The following TMEM45B variants were observed in gnomAD, a reference collection of about 807,000 sequenced individuals.
The protein encoded by TMEM45B is transmembrane protein 45B.
In TMEM45B, 29 loss-of-function variants were observed where a neutral mutation model predicts 27.3. The observed-to-expected ratio is 1.06, with a 90% CI of 0.79 to 1.45. TMEM45B has a LOEUF of 1.45. Ranked by LOEUF, TMEM45B falls within the 40% of genes most tolerant of loss-of-function variation. The pLI, the probability that TMEM45B is intolerant of heterozygous loss-of-function variation, is 0.00. For synonymous variants in TMEM45B, 143 were observed against 134.7 expected (o/e 1.06, Z -0.43); for missense variants, 348 against 343.9 (o/e 1.01, Z -0.09).
At chr11:129,817,655 A>G (rs1947368710) in intron 1 of TMEM45B, among the ~76,000 whole-genome samples, 1 of 152,138 alleles carries the variant, frequency 6.6e-6, no homozygotes, top group Non-Finnish European at 1.5e-5. Context: ...ACCTGTTCCC[A>G]TTTATTCCAT....
intron 1 of TMEM45B, among the ~76,000 whole-genome samples, chr11:129,837,996 G>C (rs927245760): frequency 6.6e-6 from 1 of 151,812 alleles, no homozygotes; most frequent in African/African-American, 2.4e-5. Context: ...TGGCCAGCCT[G>C]GTCTCAAATT....
At chr11:129,849,351 T>A (rs565396459) in intron 1 of TMEM45B, among the ~76,000 whole-genome samples, 6 of 152,324 alleles carry the variant, frequency 3.9e-5, no homozygotes, top group Admixed American at 1.3e-4. Context: ...AGGTCTCAAG[T>A]GAGTCCAAAA....
chr11:129,857,986 T>C (rs545153030), intron 5 of TMEM45B, among the ~76,000 whole-genome samples: 15 of 152,304 alleles, frequency 9.8e-5, no homozygotes, highest in African/African-American at 3.4e-4. Flanking sequence ...TACACTCTAT[T>C]ATCCCATTTA....
intron 1 of TMEM45B, chr11:129,827,201 T>C (rs1947495662): frequency 6.6e-6 from 1 of 152,268 alleles, no homozygotes; most frequent in Non-Finnish European, 1.5e-5. Context: ...TATTGTCATG[T>C]GGTGCTTAAC....
intron 1 of TMEM45B, among the ~76,000 whole-genome samples, chr11:129,841,534 C>G (rs1034770549): frequency 4.5e-5 from 6 of 134,540 alleles, no homozygotes; most frequent in African/African-American, 1.5e-4. Context: ...AACCCCCACA[C>G]AGAGGGACTG....
intron 1 of TMEM45B, among the ~76,000 whole-genome samples, chr11:129,834,358 A>G (rs692470): frequency 0.89 from 134,700 of 151,860 alleles, 60,261 homozygotes; most frequent in East Asian, 1. Context: ...CTGAACCTGA[A>G]AGGCAGAAAT....
chr11:129,834,366 A>G (rs918804306), intron 1 of TMEM45B, among the ~76,000 whole-genome samples: 1 of 151,818 alleles, frequency 6.6e-6, no homozygotes, highest in Non-Finnish European at 1.5e-5. Flanking sequence ...GAAAGGCAGA[A>G]ATTGCAGTGA....
In TMEM45B at chr11:129,831,217, C is replaced by T. The variant is rs183065310; in HGVS notation, c.-9+15319C>T. ...TTACTGTAGATCTTGGCAATCTCAG[C>T]GTACTAATTTTTTCTTTCGTTATTA... On this transcript the variant is annotated intron_variant, in intron 1 of 5. Coordinates refer to ENST00000281441, the MANE Select transcript of TMEM45B (RefSeq NM_138788.5). 9.2e-5 allele frequency among the ~76,000 whole-genome samples: 14 copies of T among 152,254 alleles called. No individual in the cohort carries two copies. The East Asian group carries it at 2.3e-3, about 25-fold the overall frequency.
At chr11:129,852,363 C>A in intron 1 of TMEM45B, 112 bp from the exon 2 acceptor site, 3 of 931,626 alleles carry the variant, frequency 3.2e-6, no homozygotes, top group Non-Finnish European at 4.9e-6. Context: ...GTTGATCCTT[C>A]TTAACGTGGC....
intron 1 of TMEM45B, among the ~76,000 whole-genome samples, chr11:129,837,777 CTTTTTTTTTT>C (rs1159669879): frequency 2.9e-5 from 2 of 69,026 alleles, no homozygotes; most frequent in African/African-American, 5.9e-5. Flanking sequence ...AGGCTAGTTT[CTTTTTTTTTT>C]TTTTTTTTTT....
At chr11:129,848,370 A>G (rs1168197454) in intron 1 of TMEM45B, among the ~76,000 whole-genome samples, 1 of 152,220 alleles carries the variant, frequency 6.6e-6, no homozygotes, top group East Asian at 1.9e-4. Context: ...AAAACCCGTC[A>G]GGCGTGGCGG....
At chr11:129,821,634 T>A (rs1272235686) in intron 1 of TMEM45B, among the ~76,000 whole-genome samples, 1 of 152,148 alleles carries the variant, frequency 6.6e-6, no homozygotes, top group Non-Finnish European at 1.5e-5. Context: ...TGCTTGCTGG[T>A]TTGGCTGGGT....
At chr11:129,835,883 T>C (rs1019274861) in intron 1 of TMEM45B, among the ~76,000 whole-genome samples, 20 of 152,310 alleles carry the variant, frequency 1.3e-4, no homozygotes, top group African/African-American at 4.6e-4. Context: ...TTTGGGAAGC[T>C]GAGGCAGGTG....
chr11:129,840,924 A>C (rs916461206), intron 1 of TMEM45B, among the ~76,000 whole-genome samples: 1 of 138,470 alleles, frequency 7.2e-6, no homozygotes, highest in African/African-American at 2.6e-5. Context: ...GGCAGCACAA[A>C]GAGGCAGGCA....
chr11:129,840,518 C>T (rs692662), intron 1 of TMEM45B, among the ~76,000 whole-genome samples: 45,674 of 152,002 alleles, frequency 0.3, 7,750 homozygotes, highest in East Asian at 0.47. Context: ...GTATAATAAG[C>T]TTGATATTGA....
intron 1 of TMEM45B, among the ~76,000 whole-genome samples, chr11:129,832,726 C>T (rs191524662): frequency 2.6e-5 from 4 of 151,840 alleles, no homozygotes; most frequent in African/African-American, 4.8e-5. Flanking sequence ...TTTTACGGTA[C>T]GTAAATTATA....
rs868469124 is a variant in TMEM45B at position 129,851,543 on chromosome 11, C to A, written c.-8-932C>A. On this transcript the variant is annotated intron_variant, in intron 1 of 5. Transcript: ENST00000281441. ...TGGGTGACAGAGTGAAACTCTGCCT[C>A]AAAAAAAAAAAAAAAGTCCCCTTCT... 5.5e-4 allele frequency among the ~76,000 whole-genome samples: 30 copies of A among 54,928 alleles called. 1 individual carries two copies. The highest frequency in any genetic ancestry group is 9.1e-4 in the African/African-American group (13 of 14,292). 36.0% of individuals were successfully genotyped at this position (54,928 alleles called of 152,430 possible).
intron 1 of TMEM45B, among the ~76,000 whole-genome samples, chr11:129,836,106 G>A (rs1365311766): frequency 6.6e-6 from 1 of 151,906 alleles, no homozygotes; most frequent in African/African-American, 2.4e-5. Context: ...CGACAAGGGT[G>A]AAACTCCATT....
intron 4 of TMEM45B, 99 bp downstream of exon 4, chr11:129,855,991 T>C (rs1565374833): frequency 4.9e-6 from 7 of 1,416,584 alleles, no homozygotes; most frequent in Non-Finnish European, 5.8e-6. Flanking sequence ...GGTCTGAAAA[T>C]GCAGCATTAA....
Sources: allele counts gnomAD v4.1 joint callset (sites outside exome capture counted in the v4.1 genomes callset), GRCh38; gene constraint gnomAD v4.1.1; transcripts MANE v1.5; gene names NCBI Gene and HGNC (gene_info 2026-07-23, HGNC 2026-07-21).